The following CA4 variants were observed in gnomAD, a reference collection of about 807,000 sequenced individuals.
The protein encoded by CA4 is CA-IV.
A neutral mutation model predicts 34.5 loss-of-function variants in CA4; 24 were observed. The ratio of observed to expected loss-of-function variants is 0.70; its 90% CI spans 0.50 to 0.98. CA4 has a LOEUF of 0.98. Among genes scored for constraint, CA4 ranks in the 50% least tolerant of loss-of-function variants. CA4 has a pLI of 0.00. For missense variants in CA4, 394 were observed against 396.7 expected, an observed-to-expected ratio of 0.99 and a Z score of 0.06; for synonymous variants, 178 against 170.6, an observed-to-expected ratio of 1.04 and a Z score of -0.34.
the CA4 span, among the ~76,000 whole-genome samples, chr17:60,178,624 C>A: frequency 6.6e-6 from 1 of 152,122 alleles, no homozygotes; most frequent in African/African-American, 2.4e-5. Context: ...CACTATATGC[C>A]CCTGCCACCA....
At chr17:60,178,593 G>C in the CA4 span, among the ~76,000 whole-genome samples, 13 of 152,306 alleles carry the variant, frequency 8.5e-5, no homozygotes, top group African/African-American at 2.9e-4. Context: ...GCTCTTAAGA[G>C]AGCCTCCCTT....
intron 2 of CA4, 56 bp downstream of exon 2, chr17:60,155,423 C>A: frequency 7.0e-7 from 1 of 1,435,834 alleles, no homozygotes; most frequent in Non-Finnish European, 9.6e-7. Context: ...ACCACGCAAG[C>A]CGAAATGGAG....
chr17:60,149,988 C>A lies in CA4; in HGVS notation c.-47C>A. On this transcript the variant is annotated 5_prime_UTR_variant, in exon 1 of 8. Coordinates refer to ENST00000300900, the MANE Select transcript of CA4 (RefSeq NM_000717.5). Reference sequence around the variant, plus strand: ...GGATCGCTGCACCCGCGGCGGCCTCCTCGGTGCGCGACCCCCGGCTCAGAG... The same window carrying A: ...GGATCGCTGCACCCGCGGCGGCCTCATCGGTGCGCGACCCCCGGCTCAGAG... 1 of 1,541,598 alleles carries A rather than the reference C, an allele frequency of 6.5e-7. No homozygotes were observed. The highest frequency in any genetic ancestry group is 8.9e-7 in the Non-Finnish European group (1 of 1,129,432).
intron 1 of CA4, among the ~76,000 whole-genome samples, chr17:60,154,737 G>C (rs2083648610): frequency 6.6e-6 from 1 of 152,214 alleles, no homozygotes; most frequent in South Asian, 2.1e-4. Flanking sequence ...TTGAGGGGCA[G>C]GGGAGGAAGC....
At chr17:60,172,421 T>C (rs369880576), downstream of CA4, among the ~76,000 whole-genome samples, 32 of 152,322 alleles carry the variant, frequency 2.1e-4, no homozygotes, top group East Asian at 2.5e-3. Context: ...CATCTGTGAG[T>C]TCCTCTTGGG....
At chr17:60,151,179 C>T (rs1597984345) in intron 1 of CA4, among the ~76,000 whole-genome samples, 1 of 152,292 alleles carries the variant, frequency 6.6e-6, no homozygotes, top group African/African-American at 2.4e-5. Flanking sequence ...ACCCCCTCTG[C>T]CAGTTCTCAG....
chr17:60,174,185 C>A (rs1011792578), downstream of CA4, among the ~76,000 whole-genome samples: 2 of 151,860 alleles, frequency 1.3e-5, no homozygotes, highest in African/African-American at 4.9e-5. Context: ...CTTTCGTTTA[C>A]AGCTGTTGCA....
chr17:60,174,061 T>TTTTGAGTACC (rs1491527958), downstream of CA4, among the ~76,000 whole-genome samples: 3 of 152,194 alleles, frequency 2.0e-5, no homozygotes, highest in Admixed American at 2.0e-4. Flanking sequence ...GGAAGAATGC[T>TTTTGAGTACC]TTTGAGTACC....
Position 60,156,473 on chromosome 17 carries a change from TG to T in CA4, c.113-84del, listed in dbSNP as rs910321585. On this transcript the variant is annotated intron_variant, in intron 2 of 7. Transcript: ENST00000300900. ...AAAGCGTTTCTGTGTGGGAACTGAGTGGGTGGGCCTGACTTCAGTGGGGTGG... is the reference window on the plus strand; with the variant it reads ...AAAGCGTTTCTGTGTGGGAACTGAGTGGTGGGCCTGACTTCAGTGGGGTGG... The T allele has an allele frequency of 3.3e-5, 43 of 1,322,300 alleles. No homozygotes were observed. In the African/African-American group the frequency reaches 5.5e-4, roughly 17 times the overall value. 81.9% of individuals were successfully genotyped at this position (1,322,300 alleles called of 1,614,324 possible).
chr17:60,162,621 C>T (rs1598001823), downstream of CA4, among the ~76,000 whole-genome samples: 1 of 151,868 alleles, frequency 6.6e-6, no homozygotes. Context: ...GCTGGCCAGG[C>T]CTGGGGAAGG....
intron 1 of CA4, among the ~76,000 whole-genome samples, chr17:60,153,031 AT>A (rs2083618537): frequency 6.6e-6 from 1 of 152,162 alleles, no homozygotes; most frequent in Non-Finnish European, 1.5e-5. Context: ...GGCATTCCTA[AT>A]TTTGCTTTAA....
In CA4 at chr17:60,159,315, G is replaced by A. The variant is rs771400562; in HGVS notation, c.830G>A (p.Gly277Glu). ...AATGTCAGGCCCCTGCAGCAGCTGG[G>A]GCAGCGCACGGTGATAAAGTCCGGG... ...KDNVRPLQQL[G>E]QRTVIKSGAP... The change falls in exon 8 of 8, where the codon GGG becomes GAG. Residue 277 changes from glycine to glutamate, a missense_variant. Transcript: ENST00000300900. The A allele has an allele frequency of 2.5e-6, 4 of 1,609,542 alleles. No individual in the cohort carries two copies. Among genetic ancestry groups the A allele is most frequent in the Admixed American group, 1.7e-5 (1 of 59,496 alleles).
Position 60,156,732 on chromosome 17 carries a change from C to T in CA4, c.268+17C>T, listed in dbSNP as rs766479455. On this transcript the variant is annotated intron_variant, in intron 3 of 7. Transcript: ENST00000300900. ...GGCACTCAGGTGGGCTGGATGGAGG[C>T]CCCAGGCAGGCCTGGGCACCCGAGT... 1.1e-5 allele frequency: 18 copies of T among 1,611,948 alleles called. No individual in the cohort carries two copies. Among genetic ancestry groups the T allele is most frequent in the South Asian group, 3.3e-5 (3 of 91,034 alleles).
rs2083755632 is a variant in CA4, at chr17:60,159,333, A to T, written c.848A>T (p.Lys283Met). ...CAGCTGGGGCAGCGCACGGTGATAA[A>T]GTCCGGGGCCCCGGGTCGGCCGCTG... ...LQQLGQRTVI[K>M]SGAPGRPLPW... Residue 283 changes from lysine (K) to methionine (M), a missense_variant, in exon 8 of 8, where the codon AAG becomes ATG. Coordinates refer to ENST00000300900, the MANE Select transcript of CA4 (RefSeq NM_000717.5). The T allele has an allele frequency of 6.2e-7, 1 of 1,609,362 alleles. No homozygotes were observed. The highest frequency in any genetic ancestry group is 8.5e-7 in the Non-Finnish European group (1 of 1,178,068).
chr17:60,169,152 CAGG>C (rs1161050056), intron 5 of CA4, among the ~76,000 whole-genome samples: 17 of 151,252 alleles, frequency 1.1e-4, no homozygotes, highest in African/African-American at 4.1e-4. Context: ...GAGGCTGAGG[CAGG>C]AGAATCTCTT....
chr17:60,168,670 C>T (rs926249501), intron 5 of CA4, among the ~76,000 whole-genome samples: 3 of 152,058 alleles, frequency 2.0e-5, no homozygotes, highest in African/African-American at 7.2e-5. Context: ...AACTCTGGCC[C>T]CTGGTGTCCT....
chr17:60,173,174 T>G (rs1366638219), downstream of CA4, among the ~76,000 whole-genome samples: 2 of 152,022 alleles, frequency 1.3e-5, no homozygotes, highest in Admixed American at 6.6e-5. Context: ...ACAAAAAAAC[T>G]AAAATAAATA....
At chr17:60,155,167 TG>T in intron 1 of CA4, 146 bp from the exon 2 acceptor site, 1 of 724,284 alleles carries the variant, frequency 1.4e-6, no homozygotes. Flanking sequence ...TCTCTTTTTC[TG>T]GGCCCTCAAT....
At position 60,159,378 on chromosome 17, in the gene CA4, T is replaced by C. The variant is rs750163649; in HGVS notation, c.893T>C (p.Leu298Pro). Residue 298 changes from leucine (L) to proline (P), a missense_variant, in exon 8 of 8, where the codon CTG (leucine) becomes CCG (proline). Leu to Pro is a moderately conservative substitution (Grantham distance 98). Transcript: ENST00000300900. ...CCGCTGCCCTGGGCCCTGCCTGCCC[T>C]GCTGGGCCCCATGCTGGCCTGCCTG... ...GRPLPWALPA[L>P]LGPMLACLLA... is the part of the protein sequence containing the mutation. 9 of 1,612,332 alleles carry C rather than the reference T, an allele frequency of 5.6e-6. No individual in the cohort carries two copies. In the Admixed American group the frequency reaches 1.2e-4, roughly 21 times the overall value.
Sources: gnomAD v4.1 joint callset for allele counts (sites outside exome capture counted in the v4.1 genomes callset) on GRCh38, gnomAD v4.1.1 for gene constraint, MANE v1.5 for transcripts, NCBI Gene and HGNC (gene_info 2026-07-23, HGNC 2026-07-21) for gene names.